EIF2AK3: variants seen among roughly 807,000 people sequenced by gnomAD.
EIF2AK3 encodes eukaryotic translation initiation factor 2 alpha kinase 3.
A neutral mutation model predicts 113.5 loss-of-function variants in EIF2AK3; 50 were observed. The observed-to-expected ratio is 0.44, with a 90% CI of 0.35 to 0.56. The LOEUF (loss-of-function observed/expected upper bound fraction) is 0.56, where lower values mean the gene tolerates loss of function less well. Among genes scored for constraint, EIF2AK3 ranks in the 20% least tolerant of loss-of-function variants. The pLI is 0.00. For missense variants in EIF2AK3, 1,185 were observed against 1,378.0 expected, an observed-to-expected ratio of 0.86 and a Z score of 2.22; for synonymous variants, 448 against 495.4, an observed-to-expected ratio of 0.90 and a Z score of 1.27.
chr2:88,626,938 T>C, intron 1 of EIF2AK3, 29 bp downstream of exon 1: 2 of 1,604,706 alleles, frequency 1.2e-6, no homozygotes, highest in Non-Finnish European at 1.7e-6. Context: ...CGTAAACAAG[T>C]TGCCTCCCCC....
chr2:88,569,039 C>T (rs1183165350), intron 14 of EIF2AK3, among the ~76,000 whole-genome samples: 4 of 152,072 alleles, frequency 2.6e-5, no homozygotes, highest in South Asian at 2.1e-4. Context: ...TACAGGCATG[C>T]GTTACTATGC....
Position 88,588,097 on chromosome 2 carries a change from AG to A in EIF2AK3, c.1313del (p.Pro438LeufsTer8). 1 of 1,475,686 alleles carries A rather than the reference AG, an allele frequency of 6.8e-7. No homozygotes were observed. Among genetic ancestry groups the A allele is most frequent in the Non-Finnish European group, 9.4e-7 (1 of 1,065,894 alleles). The allele number at this position is 1,475,686 out of a possible 1,614,324, so 91.4% of individuals were successfully genotyped here. A position where few individuals can be genotyped will look rare whatever the true frequency, so the allele number is the denominator to read the frequency against. ...TIKWKPLIHS[P>X]SRTPVLVGSD... ...ATCCTACCAAGACAGGAGTTCTGGA[AG>A]GAGAATCTAAAAGAAAATTATTATT... On this transcript the variant is annotated frameshift_variant, in exon 8 of 17. Coordinates refer to ENST00000303236, the MANE Select transcript of EIF2AK3 (RefSeq NM_004836.7). LOFTEE classifies it high-confidence loss of function.
chr2:88,589,435 T>G (rs916264872), intron 6 of EIF2AK3, among the ~76,000 whole-genome samples: 1 of 151,992 alleles, frequency 6.6e-6, no homozygotes, highest in Non-Finnish European at 1.5e-5. Context: ...TTTTCAAAAT[T>G]TATAATATTA....
At chr2:88,585,411 A>G (rs1674695012) in intron 9 of EIF2AK3, among the ~76,000 whole-genome samples, 1 of 152,046 alleles carries the variant, frequency 6.6e-6, no homozygotes, top group African/African-American at 2.4e-5. Context: ...GTTCCAGAGA[A>G]ACAGATTTGG....
At chr2:88,587,686 G>T (rs559309293) in intron 8 of EIF2AK3, among the ~76,000 whole-genome samples, 5 of 152,070 alleles carry the variant, frequency 3.3e-5, no homozygotes, top group African/African-American at 9.7e-5. Context: ...CTTTGCCTGC[G>T]TTATCTCATT....
chr2:88,592,262 CAGAA>C (rs556330539), intron 4 of EIF2AK3, among the ~76,000 whole-genome samples: 96 of 151,992 alleles, frequency 6.3e-4, no homozygotes, highest in South Asian at 4.6e-3. Flanking sequence ...AAGAAGGAAA[CAGAA>C]AGGTATTAGG....
chr2:88,625,503 G>A (rs955808070), intron 1 of EIF2AK3, among the ~76,000 whole-genome samples: 3 of 152,076 alleles, frequency 2.0e-5, no homozygotes, highest in Non-Finnish European at 4.4e-5. Flanking sequence ...ACCTCACCTA[G>A]TAGAACACCA....
Position 88,613,793 on chromosome 2 carries a change from A to C in EIF2AK3, c.369T>G (p.His123Gln). 1.9e-6 allele frequency: 3 copies of C among 1,614,110 alleles called. No individual in the cohort carries two copies. Among genetic ancestry groups the C allele is most frequent in the Non-Finnish European group, 2.5e-6 (3 of 1,179,952 alleles). ...GRIAALDPEN[H>Q]GKKQWDLDVG... ...CATCCAAATCCCACTGCTTTTTACC[A>C]TGATTTTCAGGATCCAAGGCAGCAA... The change falls in exon 2 of 17, where the codon CAT (histidine) becomes CAG (glutamine). Residue 123 changes from histidine to glutamine, a missense_variant. His to Gln is a conservative substitution (Grantham distance 24, BLOSUM62 0). Transcript: ENST00000303236.
intron 14 of EIF2AK3, among the ~76,000 whole-genome samples, chr2:88,568,852 T>C (rs1023828668): frequency 2.0e-5 from 3 of 152,228 alleles, no homozygotes; most frequent in African/African-American, 7.2e-5. Flanking sequence ...GAAAGAATAA[T>C]TGGTAGACAA....
In EIF2AK3 at chr2:88,588,750, A is replaced by G; in HGVS notation, c.1306+11T>C. ...ACTAACAGTATTTAGAAAAGTTTAC[A>G]ATTCACTTACGAATTAAGGGTTTCC... On this transcript the variant is annotated intron_variant, in intron 7 of 16. Coordinates refer to ENST00000303236, the MANE Select transcript of EIF2AK3 (RefSeq NM_004836.7). 6.2e-7 allele frequency: 1 copy of G among 1,613,646 alleles called. No individual in the cohort carries two copies. Among genetic ancestry groups the G allele is most frequent in the Non-Finnish European group, 8.5e-7 (1 of 1,179,756 alleles).
intron 1 of EIF2AK3, among the ~76,000 whole-genome samples, chr2:88,619,955 C>CAAAAA (rs35076573): frequency 8.4e-5 from 10 of 119,718 alleles, no homozygotes; most frequent in African/African-American, 3.2e-5. Context: ...GACTCCGTCT[C>CAAAAA]AAAAAAAAAA....
In EIF2AK3 at chr2:88,613,734, C is replaced by T; in HGVS notation, c.428G>A (p.Ser143Asn). 6.2e-7 allele frequency: 1 copy of T among 1,614,060 alleles called. No homozygotes were observed. Among genetic ancestry groups the T allele is most frequent in the South Asian group, 1.1e-5 (1 of 91,084 alleles). ...ACAGAAAATTCTTACCTCTGGTTTG[C>T]TAAGGCTGGATGACACCAAGGAACC... The part of the protein sequence containing the change: ...GSGSLVSSSL[S>N]KPEVFGNKMI... The change falls in exon 2 of 17, where the codon AGC (serine) becomes AAC (asparagine). Residue 143 changes from serine to asparagine, a missense_variant. Around this residue, in one of 3 missense-constraint regions of EIF2AK3, gnomAD observed 119 missense variants for 178.7 expected, o/e 0.67. Transcript: ENST00000303236.
At chr2:88,574,513 G>GA in intron 13 of EIF2AK3, 153 bp downstream of exon 13, 1 of 859,744 alleles carries the variant, frequency 1.2e-6, no homozygotes. Context: ...TATTCTTGCA[G>GA]CAGGCCCCTT....
chr2:88,576,842 A>G (rs972545448), intron 11 of EIF2AK3, 139 bp from the exon 12 acceptor site: 2 of 939,370 alleles, frequency 2.1e-6, no homozygotes, highest in Non-Finnish European at 3.1e-6. Flanking sequence ...AAATAAAATT[A>G]GCCTGAAAAA....
At chr2:88,563,971 T>TA (rs1217559254) in intron 14 of EIF2AK3, among the ~76,000 whole-genome samples, 1 of 152,184 alleles carries the variant, frequency 6.6e-6, no homozygotes, top group Non-Finnish European at 1.5e-5. Flanking sequence ...AGAGGACAGA[T>TA]AGATATATAA....
chr2:88,607,869 A>T (rs2104461503), intron 2 of EIF2AK3, among the ~76,000 whole-genome samples: 1 of 152,362 alleles, frequency 6.6e-6, no homozygotes, highest in Admixed American at 6.5e-5. Flanking sequence ...ATGTGACTGT[A>T]CCTGATGCAT....
At position 88,608,559 on chromosome 2, in the gene EIF2AK3, G is replaced by C. The variant is rs1172866273; in HGVS notation, c.438+5165C>G. Among the ~76,000 whole-genome samples, 5 of 152,122 alleles carry C rather than the reference G, an allele frequency of 3.3e-5. 1 individual carries two copies. Among genetic ancestry groups the C allele is most frequent in the Admixed American group, 3.3e-4 (5 of 15,268 alleles). Reference sequence around the variant, plus strand: ...ACAACCAAACACACTGGGTTTCTGAGAGAGGAAGTTAACTACTTTTAAAAA... The same window carrying C: ...ACAACCAAACACACTGGGTTTCTGACAGAGGAAGTTAACTACTTTTAAAAA... On this transcript the variant is annotated intron_variant, in intron 2 of 16. Transcript: ENST00000303236.
intron 15 of EIF2AK3, among the ~76,000 whole-genome samples, chr2:88,561,296 C>G (rs1037410910): frequency 3.4e-5 from 5 of 147,802 alleles, no homozygotes; most frequent in African/African-American, 7.5e-5. Flanking sequence ...GAGTCTCACT[C>G]TGTCACCCAG....
rs530763545 is a variant in EIF2AK3 at position 88,580,207 on chromosome 2, C to G, written c.1764-567G>C. On this transcript the variant is annotated intron_variant, in intron 10 of 16. Coordinates refer to ENST00000303236, the MANE Select transcript of EIF2AK3 (RefSeq NM_004836.7). ...AGTCAAACAGAAGCCAACTCACCAT[C>G]TGTCACTCACAGGGGCCTCCACTAA... 2.6e-5 allele frequency among the ~76,000 whole-genome samples: 4 copies of G among 152,324 alleles called. No individual in the cohort carries two copies. The South Asian group carries it at 8.3e-4, about 32-fold the overall frequency.
Sources: gnomAD v4.1 joint callset for allele counts (sites outside exome capture counted in the v4.1 genomes callset) on GRCh38, gnomAD v4.1.1 for gene constraint, gnomAD v4.1.1 regional missense constraint, MANE v1.5 for transcripts, NCBI Gene and HGNC (gene_info 2026-07-23, HGNC 2026-07-21) for gene names.